Variants in TUBGCP6 observed in about 807,000 individuals in gnomAD.
TUBGCP6 encodes the protein tubulin gamma complex component 6, also known as gamma-tubulin complex component 6.
TUBGCP6 carries 161 observed loss-of-function variants against 175.8 expected under a neutral mutation model. That is an observed-to-expected ratio of 0.92 (90% confidence interval 0.81 to 1.04). TUBGCP6 has a LOEUF of 1.04. Ranked by LOEUF, TUBGCP6 falls within the 50% of genes least tolerant of loss-of-function variation. The pLI, the probability that TUBGCP6 is intolerant of heterozygous loss-of-function variation, is 0.00. For missense variants in TUBGCP6, 2,572 were observed against 2,433.0 expected (o/e 1.06, Z -1.20); for synonymous variants, 1,173 against 1,030.5 (o/e 1.14, Z -2.65).
Position 50,222,025 on chromosome 22 carries a change from T to C in TUBGCP6, c.2484+3A>G. ...GCACCCTGGGTTCCACTCTGCCGCT[T>C]ACCTGGGGGTGCACGCTCAAGAGGA... On this transcript the variant is annotated splice_donor_region_variant and intron_variant, in intron 15 of 24. Transcript: ENST00000248846. 1 of 1,613,848 alleles carries C rather than the reference T, an allele frequency of 6.2e-7. No individual in the cohort carries two copies. The highest frequency in any genetic ancestry group is 8.5e-7 in the Non-Finnish European group (1 of 1,179,958).
At chr22:50,234,204 C>A (rs2064731336) in intron 2 of TUBGCP6, among the ~76,000 whole-genome samples, 1 of 149,824 alleles carries the variant, frequency 6.7e-6, no homozygotes, top group Non-Finnish European at 1.5e-5. Context: ...CCGTCCACAG[C>A]AGCATCTACA....
intron 2 of TUBGCP6, 32 bp from the exon 3 acceptor site, chr22:50,233,558 AG>A (rs1373455791): frequency 3.2e-6 from 5 of 1,565,690 alleles, no homozygotes; most frequent in Non-Finnish European, 4.3e-6. Flanking sequence ...GGCCATGAGC[AG>A]ACGTGGTGAC....
chr22:50,236,598 A>G (rs1376046903), intron 2 of TUBGCP6, among the ~76,000 whole-genome samples: 1 of 152,140 alleles, frequency 6.6e-6, no homozygotes, highest in Non-Finnish European at 1.5e-5. Context: ...TGCGAAAACA[A>G]TCAGCTCCAA....
chr22:50,234,367 A>C (rs1601601200), intron 2 of TUBGCP6, among the ~76,000 whole-genome samples: 1 of 46,400 alleles, frequency 2.2e-5, no homozygotes. Context: ...AGCAGCATCC[A>C]CACCCAGGTC....
At position 50,218,618 on chromosome 22, in the gene TUBGCP6, C is replaced by T. The variant is rs1049357472; in HGVS notation, c.4824G>A (p.Val1608=). The T allele has an allele frequency of 6.2e-7, 1 of 1,613,582 alleles. No individual in the cohort carries two copies. Among genetic ancestry groups the T allele is most frequent in the Non-Finnish European group, 8.5e-7 (1 of 1,179,864 alleles). Residue 1608 remains valine (V), a splice_region_variant and synonymous_variant, in exon 22 of 25, where the codon GTG becomes GTA. Transcript: ENST00000248846. ...TGATGACAATGTTGAGAGGCCAGTC[C>T]ACCTGCCAGGAGGCGTGGCTCAGCA... ...VLSCLELRYK[V]DWPLNIVITE...
intron 4 of TUBGCP6, among the ~76,000 whole-genome samples, chr22:50,228,687 T>C (rs1002649307): frequency 5.3e-5 from 8 of 152,204 alleles, no homozygotes; most frequent in African/African-American, 1.9e-4. Context: ...GCTGAGCCTC[T>C]GCCTAGAAGC....
chr22:50,236,956 G>A (rs1025421583), intron 2 of TUBGCP6, among the ~76,000 whole-genome samples: 4 of 152,262 alleles, frequency 2.6e-5, no homozygotes, highest in Non-Finnish European at 4.4e-5. Context: ...GGGAAAAAAA[G>A]CCCACAGCGG....
At chr22:50,243,631 AAAAGAAGAAG>A (rs1479373799) in intron 1 of TUBGCP6, 78 bp downstream of exon 1, 5 of 1,144,708 alleles carry the variant, frequency 4.4e-6, no homozygotes, top group Admixed American at 2.7e-5. Context: ...AAAAAAAAAA[AAAAGAAGAAG>A]AAGAAGAAGA....
chr22:50,242,708 T>C lies in TUBGCP6; in HGVS notation c.741+1011A>G, dbSNP rs118032390. On this transcript the variant is annotated intron_variant, in intron 1 of 24. Coordinates refer to ENST00000248846, the MANE Select transcript of TUBGCP6 (RefSeq NM_020461.4). ...CGACAGACAGCAAAAACATATCCAATTGCACGAATTACAGAACATGAACAC... is the reference window on the plus strand; with the variant it reads ...CGACAGACAGCAAAAACATATCCAACTGCACGAATTACAGAACATGAACAC... Among the ~76,000 whole-genome samples, 443 of 152,284 alleles carry C rather than the reference T, an allele frequency of 2.9e-3. 1 individual carries two copies. Among genetic ancestry groups the C allele is most frequent in the Non-Finnish European group, 5.0e-3 (337 of 68,014 alleles).
intron 4 of TUBGCP6, among the ~76,000 whole-genome samples, 195 bp downstream of exon 4, chr22:50,229,209 G>T (rs1328210827): frequency 6.6e-6 from 1 of 152,170 alleles, no homozygotes; most frequent in African/African-American, 2.4e-5. Context: ...ACACACATCT[G>T]CCCCAAGTTT....
chr22:50,244,645 C>G lies in TUBGCP6; in HGVS notation c.-186G>C. On this transcript the variant is annotated 5_prime_UTR_variant, in exon 1 of 25. Transcript: ENST00000248846. ...TTGCGGTTGCTCTACTCAGAGTAAA[C>G]ACGCCCTGCCCTCCCCAGTCCAAGC... 1.0e-6 allele frequency: 1 copy of G among 986,312 alleles called. No individual in the cohort carries two copies. The highest frequency in any genetic ancestry group is 1.4e-6 in the Non-Finnish European group (1 of 696,442). 61.1% of individuals were successfully genotyped at this position (986,312 alleles called of 1,614,324 possible). A position where few individuals can be genotyped will look rare whatever the true frequency, so the allele number is the denominator to read the frequency against.
chr22:50,242,210 T>A (rs967767080), intron 1 of TUBGCP6, among the ~76,000 whole-genome samples: 1 of 151,524 alleles, frequency 6.6e-6, no homozygotes, highest in African/African-American at 2.4e-5. Context: ...GAGAATGGCG[T>A]GAACCTGGGA....
At chr22:50,226,536 G>A (rs1245894195) in intron 7 of TUBGCP6, among the ~76,000 whole-genome samples, 158 bp from the exon 8 acceptor site, 2 of 149,406 alleles carry the variant, frequency 1.3e-5, no homozygotes, top group Admixed American at 6.7e-5. Flanking sequence ...CATGAGGGGC[G>A]GGATGGAGTG....
chr22:50,218,415 A>G lies in TUBGCP6; in HGVS notation c.4955-13T>C, dbSNP rs376079883. On this transcript the variant is annotated splice_polypyrimidine_tract_variant and intron_variant, in intron 22 of 24. Coordinates refer to ENST00000248846, the MANE Select transcript of TUBGCP6 (RefSeq NM_020461.4). ...TGGCTCAGCAGGGCTGGCGGAGGGC[A>G]GAAGGCAGAGGGCAGAGGTGAGCGC... is the stretch of plus-strand genomic sequence containing the variant. The G allele has an allele frequency of 1.2e-4, 196 of 1,612,720 alleles. 1 individual carries two copies. Among genetic ancestry groups the G allele is most frequent in the Middle Eastern group, 3.3e-4 (2 of 6,084 alleles).
chr22:50,229,680 G>T, intron 3 of TUBGCP6, 103 bp from the exon 4 acceptor site: 1 of 1,263,782 alleles, frequency 7.9e-7, no homozygotes, highest in Non-Finnish European at 1.1e-6. Context: ...GCCACCTAGA[G>T]TGCCTCCAGG....
intron 8 of TUBGCP6, 22 bp from the exon 9 acceptor site, chr22:50,226,211 G>T (rs200142188): frequency 8.1e-6 from 13 of 1,613,962 alleles, no homozygotes; most frequent in Admixed American, 1.7e-5. Context: ...TGAACACCAC[G>T]GTGGCCGGCA....
chr22:50,218,935 AGCACATGCCTG>A (rs780407364), intron 20 of TUBGCP6, 38 bp from the exon 21 acceptor site: 32 of 1,593,676 alleles, frequency 2.0e-5, no homozygotes, highest in Non-Finnish European at 2.7e-5. Flanking sequence ...AGGAGTCCCA[AGCACATGCCTG>A]GCACTCGCCG....
intron 6 of TUBGCP6, 60 bp downstream of exon 6, chr22:50,226,939 G>T: frequency 6.3e-7 from 1 of 1,576,006 alleles, no homozygotes; most frequent in Non-Finnish European, 8.6e-7. Flanking sequence ...GACACGCTCA[G>T]CCACCCCCGT....
At chr22:50,231,049 T>G (rs544256924) in intron 3 of TUBGCP6, among the ~76,000 whole-genome samples, 27 of 119,198 alleles carry the variant, frequency 2.3e-4, no homozygotes, top group African/African-American at 8.5e-4. Flanking sequence ...GCCATTGCAC[T>G]CCAGCCTGGG....
Sources: allele counts gnomAD v4.1 joint callset (sites outside exome capture counted in the v4.1 genomes callset), GRCh38; gene constraint gnomAD v4.1.1; transcripts MANE v1.5; gene names NCBI Gene and HGNC (gene_info 2026-07-23, HGNC 2026-07-21).